Variants in ATXN2L observed in about 807,000 individuals in gnomAD.
ATXN2L encodes the protein ataxin 2 like, also known as ataxin-2-like protein.
In ATXN2L, 24 loss-of-function variants were observed where a neutral mutation model predicts 120.7. That is an observed-to-expected ratio of 0.20 (90% CI 0.14 to 0.28). The LOEUF (loss-of-function observed/expected upper bound fraction) is 0.28, where lower values mean the gene tolerates loss of function less well. ATXN2L is among the 10% of genes least tolerant of loss of function. The probability of loss-of-function intolerance (pLI) is 1.00; values close to 1 mark genes in which losing one functional copy is unlikely to be tolerated. For missense variants in ATXN2L, 1,312 were observed against 1,432.3 expected, an observed-to-expected ratio of 0.92 and a Z score of 1.36; for synonymous variants, 653 against 568.1, an observed-to-expected ratio of 1.15 and a Z score of -2.13.
rs908741962 is a variant in ATXN2L at position 28,836,880 on chromosome 16, G to A, written c.*615G>A. The A allele has an allele frequency of 1.3e-4, 160 of 1,254,578 alleles. No homozygotes were observed. The highest frequency in any genetic ancestry group is 1.6e-4 in the Non-Finnish European group (138 of 880,738). The allele number at this position is 1,254,578 out of a possible 1,614,324, so 77.7% of individuals were successfully genotyped here. Reference sequence around the variant, plus strand: ...ACCACTCCCAGCCCCCCATCCCCCCGTTCCCCAGGGGAGCTGGGGAATTCC... The same window carrying A: ...ACCACTCCCAGCCCCCCATCCCCCCATTCCCCAGGGGAGCTGGGGAATTCC... On this transcript the variant is annotated 3_prime_UTR_variant, in exon 22 of 22. Transcript: ENST00000336783.
In ATXN2L at chr16:28,835,079, C is replaced by A; in HGVS notation, c.2455C>A (p.Gln819Lys). The A allele has an allele frequency of 6.2e-7, 1 of 1,613,376 alleles. No individual in the cohort carries two copies. Among genetic ancestry groups the A allele is most frequent in the Non-Finnish European group, 8.5e-7 (1 of 1,179,616 alleles). Reference sequence around the variant, plus strand: ...CCAGCCGGTGTTTGCCCCCATGCTTCAGAGCAACCCACGCATGCTGACGTC... The same window carrying A: ...CCAGCCGGTGTTTGCCCCCATGCTTAAGAGCAACCCACGCATGCTGACGTC... ...PSQPVFAPMLQSNPRMLTSGS... is the reference protein window; with the variant it reads ...PSQPVFAPMLKSNPRMLTSGS... Residue 819 changes from glutamine to lysine, a missense_variant, in exon 19 of 22, where the codon CAG (glutamine) becomes AAG (lysine). By Grantham distance (53) the Gln-to-Lys change is moderately conservative (BLOSUM62 1). Transcript: ENST00000336783.
Position 28,834,338 on chromosome 16 carries a change from C to T in ATXN2L, c.2173-5C>T, listed in dbSNP as rs778345864. 1.9e-6 allele frequency: 3 copies of T among 1,613,832 alleles called. No homozygotes were observed. The highest frequency in any genetic ancestry group is 2.2e-5 in the South Asian group (2 of 91,078). On this transcript the variant is annotated splice_region_variant and splice_polypyrimidine_tract_variant and intron_variant, in intron 16 of 21. Transcript: ENST00000336783. Reference sequence around the variant, plus strand: ...ATTCAGCCTCATCTGTGTCCTCATCCCCAGGCACCTCAGATGTATCCATAT... The same window carrying T: ...ATTCAGCCTCATCTGTGTCCTCATCTCCAGGCACCTCAGATGTATCCATAT...
intron 2 of ATXN2L, 30 bp downstream of exon 2, chr16:28,825,432 T>C: frequency 6.2e-7 from 1 of 1,609,766 alleles, no homozygotes; most frequent in Non-Finnish European, 8.5e-7. Flanking sequence ...CTGTTTAAGA[T>C]ACATAGACCT....
Position 28,835,713 on chromosome 16 carries a change from C to T in ATXN2L, c.2850C>T (p.His950=), listed in dbSNP as rs757470640. 12 of 1,614,042 alleles carry T rather than the reference C, an allele frequency of 7.4e-6. No individual in the cohort carries two copies. Among genetic ancestry groups the T allele is most frequent in the Non-Finnish European group, 1.0e-5 (12 of 1,180,022 alleles). ...PQPAAVYAIH[H]QQLPHGFTNM... ...CAGCCGCTGTGTATGCCATCCACCA[C>T]CAGCAGCTGCCCCACGGCTTCACCA... Residue 950 remains histidine, a synonymous_variant, in exon 21 of 22, where the codon CAC becomes CAT. Transcript: ENST00000336783.
chr16:28,833,107 C>T lies in ATXN2L; in HGVS notation c.1708C>T (p.Arg570Trp), dbSNP rs200505611. 7 of 1,614,146 alleles carry T rather than the reference C, an allele frequency of 4.3e-6. No individual in the cohort carries two copies. The highest frequency in any genetic ancestry group is 1.3e-5 in the African/African-American group (1 of 75,052). The stretch of plus-strand genomic sequence containing the variant: ...GAACAGCCTGGATCCTTTTCCTCCC[C>T]GGATCTTAAAGGAGGAGCCCAAAGG... ...PENSLDPFPP[R>W]ILKEEPKGKE... Residue 570 changes from arginine (R) to tryptophan (W), a missense_variant, in exon 14 of 22, where the codon CGG becomes TGG. By Grantham distance (101) the Arg-to-Trp change is moderately radical. Coordinates refer to ENST00000336783, the MANE Select transcript of ATXN2L (RefSeq NM_007245.4).
At chr16:28,824,831 C>G (rs2051211502) in intron 1 of ATXN2L, among the ~76,000 whole-genome samples, 1 of 152,082 alleles carries the variant, frequency 6.6e-6, no homozygotes, top group Non-Finnish European at 1.5e-5. Flanking sequence ...TGATTGAGAT[C>G]TTTTTGCTGG....
In ATXN2L at chr16:28,836,177, G is replaced by C; in HGVS notation, c.3140G>C (p.Arg1047Pro). Reference protein sequence around the residue: ...GFPGGADDRIREFSLAGGIWH... With the variant: ...GFPGGADDRIPEFSLAGGIWH... ...CCAGGAGGAGCCGATGACAGGATTC[G>C]TGAGTTCTCATTAGCTGGGGGAATT... Residue 1047 changes from arginine to proline, a missense_variant, in exon 22 of 22, where the codon CGT becomes CCT. Transcript: ENST00000336783. The C allele has an allele frequency of 6.2e-7, 1 of 1,614,110 alleles. No homozygotes were observed. The highest frequency in any genetic ancestry group is 8.5e-7 in the Non-Finnish European group (1 of 1,180,006).
At chr16:28,827,682 T>C (rs868472468) in intron 6 of ATXN2L, among the ~76,000 whole-genome samples, 5 of 152,278 alleles carry the variant, frequency 3.3e-5, no homozygotes, top group Middle Eastern at 3.4e-3. Context: ...TTGAGGCTGC[T>C]GTAAGCTGAG....
At chr16:28,826,691 CTCT>C (rs2052171595) in intron 5 of ATXN2L, 168 bp from the exon 6 acceptor site, 2 of 751,040 alleles carry the variant, frequency 2.7e-6, no homozygotes, top group Non-Finnish European at 4.0e-6. Flanking sequence ...ACTTTTTATA[CTCT>C]TCTTCTCTTG....
chr16:28,823,123 G>C lies in ATXN2L; in HGVS notation c.-137G>C. 1 of 232,168 alleles carries C rather than the reference G, an allele frequency of 4.3e-6. No homozygotes were observed. Among genetic ancestry groups the C allele is most frequent in the Non-Finnish European group, 7.3e-6 (1 of 136,958 alleles). 14.4% of individuals were successfully genotyped at this position (232,168 alleles called of 1,614,324 possible). ...GTCTTCTCTCTCCACCCCCGACACC[G>C]CGGGGCTCCCCCCGCCCGCCCACGG... On this transcript the variant is annotated 5_prime_UTR_variant, in exon 1 of 22. Coordinates refer to ENST00000336783, the MANE Select transcript of ATXN2L (RefSeq NM_007245.4).
intron 6 of ATXN2L, among the ~76,000 whole-genome samples, chr16:28,827,541 C>G (rs1194424804): frequency 6.6e-6 from 1 of 151,920 alleles, no homozygotes; most frequent in East Asian, 1.9e-4. Context: ...TGTGTAGGCC[C>G]ATTTCTCTTC....
chr16:28,825,700 C>T lies in ATXN2L; in HGVS notation c.393+20C>T, dbSNP rs1422015601. ...GTTGTGGTAAGTTGGTACTTAACCC[C>T]CGGGTTGTTTAAGGAACGTAATGCA... On this transcript the variant is annotated intron_variant, in intron 3 of 21. Transcript: ENST00000336783. The T allele has an allele frequency of 6.2e-7, 1 of 1,614,018 alleles. No homozygotes were observed. Among genetic ancestry groups the T allele is most frequent in the Non-Finnish European group, 8.5e-7 (1 of 1,179,880 alleles).
At chr16:28,825,743 CTCT>C (rs768943489) in intron 3 of ATXN2L, 24 bp from the exon 4 acceptor site, 3 of 1,613,508 alleles carry the variant, frequency 1.9e-6, no homozygotes, top group South Asian at 1.1e-5. Flanking sequence ...TCTGGAGACA[CTCT>C]TCTTATTTTT....
At chr16:28,824,553 G>A in intron 1 of ATXN2L, 6 of 1,286,148 alleles carry the variant, frequency 4.7e-6, no homozygotes, top group Non-Finnish European at 6.1e-6. Flanking sequence ...GTGGGTAACG[G>A]GCTGAATGAG....
intron 1 of ATXN2L, chr16:28,824,288 C>A: frequency 8.6e-7 from 1 of 1,168,442 alleles, no homozygotes. Flanking sequence ...TTTTCCTGTG[C>A]GAGTGTGTGT....
chr16:28,832,679 G>A, intron 12 of ATXN2L, 112 bp downstream of exon 12: 1 of 1,416,318 alleles, frequency 7.1e-7, no homozygotes. Context: ...TCAGTCCTTG[G>A]ATTATAATTT....
rs1364019012 is a variant in ATXN2L, at chr16:28,836,176, C to T, written c.3139C>T (p.Arg1047Cys). Residue 1047 changes from arginine to cysteine, a missense_variant, in exon 22 of 22, where the codon CGT (arginine) becomes TGT (cysteine). Coordinates refer to ENST00000336783, the MANE Select transcript of ATXN2L (RefSeq NM_007245.4). ...TCCAGGAGGAGCCGATGACAGGATT[C>T]GTGAGTTCTCATTAGCTGGGGGAAT... ...GFPGGADDRI[R>C]EFSLAGGIWH... 4.3e-6 allele frequency: 7 copies of T among 1,613,974 alleles called. No individual in the cohort carries two copies. The highest frequency in any genetic ancestry group is 1.1e-5 in the South Asian group (1 of 91,086).
Position 28,833,085 on chromosome 16 carries a change from C to G in ATXN2L, c.1686C>G (p.Asn562Lys), listed in dbSNP as rs376258331. 4.3e-6 allele frequency: 7 copies of G among 1,614,026 alleles called. No individual in the cohort carries two copies. Among genetic ancestry groups the G allele is most frequent in the Non-Finnish European group, 5.9e-6 (7 of 1,179,998 alleles). ...TTCAGCCCAGTAGCTCCCCTGAGAA[C>G]AGCCTGGATCCTTTTCCTCCCCGGA... The part of the protein sequence containing the change: ...FKLQPSSSPE[N>K]SLDPFPPRIL... The change falls in exon 14 of 22, where the codon AAC (asparagine) becomes AAG (lysine). Residue 562 changes from asparagine (N) to lysine (K), a missense_variant. Physicochemically the swap from Asn to Lys is moderately conservative, Grantham distance 94. Transcript: ENST00000336783.
intron 6 of ATXN2L, among the ~76,000 whole-genome samples, chr16:28,828,462 C>T (rs181042480): frequency 3.9e-5 from 6 of 151,902 alleles, no homozygotes; most frequent in Admixed American, 2.0e-4. Flanking sequence ...GGCACATGCC[C>T]GTAATCCCAG....
Sources: allele counts gnomAD v4.1 joint callset (sites outside exome capture counted in the v4.1 genomes callset), GRCh38; gene constraint gnomAD v4.1.1; transcripts MANE v1.5; gene names NCBI Gene and HGNC (gene_info 2026-07-23, HGNC 2026-07-21).